UBE2E3: variants seen among roughly 807,000 people sequenced by gnomAD.
UBE2E3 encodes the protein ubiquitin conjugating enzyme E2 E3.
In UBE2E3, 5 loss-of-function variants were observed where a neutral mutation model predicts 23.6. The ratio of observed to expected loss-of-function variants is 0.21; its 90% CI spans 0.11 to 0.44. UBE2E3 has a LOEUF of 0.44. Among genes scored for constraint, UBE2E3 ranks in the 20% least tolerant of loss-of-function variants. UBE2E3 has a pLI of 0.99. For missense variants in UBE2E3, 81 were observed against 249.8 expected, an observed-to-expected ratio of 0.32 and a Z score of 4.55; for synonymous variants, 78 against 87.5, an observed-to-expected ratio of 0.89 and a Z score of 0.60.
At chr2:180,983,891 CTCT>C (rs1684376393) in intron 2 of UBE2E3, 149 bp from the exon 3 acceptor site, 1 of 530,202 alleles carries the variant, frequency 1.9e-6, no homozygotes, top group African/African-American at 1.9e-5. Context: ...TGGGTTATGC[CTCT>C]GAGAACAAAG....
rs187993220 is a variant in UBE2E3, at chr2:181,009,253, C to T, written c.245+25160C>T. 2.2e-3 allele frequency among the ~76,000 whole-genome samples: 335 copies of T among 152,118 alleles called. 2 individuals are homozygous for T. The highest frequency in any genetic ancestry group is 3.3e-3 in the South Asian group (16 of 4,814). On this transcript the variant is annotated intron_variant, in intron 3 of 5. Transcript: ENST00000410062. ...ATTTTTGATGCTAAGAGATTGGACA[C>T]ATTATAAAACAAATAACTGAAAATC...
chr2:181,031,808 A>T (rs953905609), intron 3 of UBE2E3, among the ~76,000 whole-genome samples: 2 of 152,210 alleles, frequency 1.3e-5, no homozygotes, highest in Admixed American at 1.3e-4. Flanking sequence ...AGAAGTCGTA[A>T]GTTAATAATC....
At chr2:181,016,121 A>C (rs190111778) in intron 3 of UBE2E3, among the ~76,000 whole-genome samples, 1 of 152,068 alleles carries the variant, frequency 6.6e-6, no homozygotes, top group Non-Finnish European at 1.5e-5. Flanking sequence ...CTAGTGAACA[A>C]TGTAGTGGGC....
chr2:180,995,171 C>T (rs1458730292), intron 3 of UBE2E3, among the ~76,000 whole-genome samples: 9 of 151,990 alleles, frequency 5.9e-5, no homozygotes, highest in South Asian at 2.1e-4. Flanking sequence ...TACTGTGTTT[C>T]GTGCAATACT....
chr2:181,044,856 A>G (rs922173516), intron 3 of UBE2E3, among the ~76,000 whole-genome samples: 1 of 152,044 alleles, frequency 6.6e-6, no homozygotes, highest in Non-Finnish European at 1.5e-5. Context: ...TTTATGGCAT[A>G]GTAGTTATAT....
chr2:181,023,416 A>G (rs1464350377), intron 3 of UBE2E3, among the ~76,000 whole-genome samples: 1 of 152,042 alleles, frequency 6.6e-6, no homozygotes, highest in African/African-American at 2.4e-5. Context: ...TGCCACAAAA[A>G]CTCCATTATC....
chr2:181,004,383 C>T (rs1251673635), intron 3 of UBE2E3, among the ~76,000 whole-genome samples: 1 of 151,922 alleles, frequency 6.6e-6, no homozygotes, highest in East Asian at 1.9e-4. Flanking sequence ...ACCTGTAATC[C>T]CAGCACTTTG....
rs1687026817 is a variant in UBE2E3 at position 181,057,723 on chromosome 2, A to G, written c.276A>G (p.Glu92=). The part of the protein sequence containing the change: ...SAGPKGDNIY[E]WRSTILGPPG... ...GGCCTAAAGGAGATAACATTTATGA[A>G]TGGAGATCAACTATACTTGGTCCAC... Residue 92 remains glutamate (E), a synonymous_variant, in exon 4 of 6, where the codon GAA becomes GAG. Transcript: ENST00000410062. The G allele has an allele frequency of 1.2e-6, 2 of 1,610,422 alleles. No homozygotes were observed. The highest frequency in any genetic ancestry group is 2.2e-5 in the East Asian group (1 of 44,714).
chr2:181,062,717 T>C lies in UBE2E3; in HGVS notation c.527-74T>C. The C allele has an allele frequency of 1.4e-5, 11 of 762,344 alleles. No homozygotes were observed. In the South Asian group the frequency reaches 2.9e-4, roughly 20 times the overall value. The allele number at this position is 762,344 out of a possible 1,614,324, so 47.2% of individuals were successfully genotyped here. On this transcript the variant is annotated intron_variant, in intron 5 of 5. Coordinates refer to ENST00000410062, the MANE Select transcript of UBE2E3 (RefSeq NM_006357.4). The stretch of plus-strand genomic sequence containing the variant: ...ACTGCTGAAAAATAAGCATTTCATT[T>C]TAATAGAATATTAGAACTATACCTT...
chr2:181,006,658 T>C (rs1358603786), intron 3 of UBE2E3, among the ~76,000 whole-genome samples: 1 of 150,128 alleles, frequency 6.7e-6, no homozygotes, highest in Non-Finnish European at 1.5e-5. Flanking sequence ...GAGATAATTA[T>C]AGATTCATAT....
chr2:181,048,429 A>G (rs13008461), intron 3 of UBE2E3, among the ~76,000 whole-genome samples: 2 of 152,126 alleles, frequency 1.3e-5, no homozygotes, highest in Non-Finnish European at 2.9e-5. Flanking sequence ...TTTTGATTCA[A>G]AGTAAATTCA....
intron 3 of UBE2E3, among the ~76,000 whole-genome samples, chr2:180,986,090 T>C (rs141641923): frequency 6.6e-6 from 1 of 152,272 alleles, no homozygotes; most frequent in East Asian, 1.9e-4. Flanking sequence ...ATCAGACTAG[T>C]GAAACATCAA....
intron 3 of UBE2E3, among the ~76,000 whole-genome samples, chr2:181,021,849 T>C (rs534708551): frequency 2.0e-5 from 3 of 152,120 alleles, no homozygotes; most frequent in Non-Finnish European, 4.4e-5. Context: ...GGAAAATACT[T>C]CTGGGTTTTG....
intron 3 of UBE2E3, among the ~76,000 whole-genome samples, chr2:181,003,996 T>G (rs1248561174): frequency 6.6e-6 from 1 of 152,202 alleles, no homozygotes; most frequent in Non-Finnish European, 1.5e-5. Context: ...CAGTTTTAGG[T>G]CTGTCTGACT....
At chr2:180,999,791 T>C (rs9967843) in intron 3 of UBE2E3, among the ~76,000 whole-genome samples, 2,740 of 152,318 alleles carry the variant, frequency 0.018, 69 homozygotes, top group African/African-American at 0.062. Flanking sequence ...GAGCAAGTTA[T>C]CTCCTCTGAT....
At chr2:180,986,545 G>A (rs1684476852) in intron 3 of UBE2E3, among the ~76,000 whole-genome samples, 2 of 152,062 alleles carry the variant, frequency 1.3e-5, no homozygotes, top group East Asian at 3.8e-4. Flanking sequence ...ATTGACAAGT[G>A]CGTAAATGAG....
chr2:181,051,160 T>C (rs1163005728), intron 3 of UBE2E3, among the ~76,000 whole-genome samples: 1 of 151,880 alleles, frequency 6.6e-6, no homozygotes, highest in Non-Finnish European at 1.5e-5. Flanking sequence ...GGGATCTTTT[T>C]TATGTTTTTA....
chr2:181,023,730 G>A (rs763036257), intron 3 of UBE2E3, among the ~76,000 whole-genome samples: 5 of 152,116 alleles, frequency 3.3e-5, no homozygotes, highest in Non-Finnish European at 5.9e-5. Flanking sequence ...CCAGATGTGT[G>A]GCTTTAGGTT....
At chr2:180,990,164 C>A in intron 3 of UBE2E3, 1 of 586,964 alleles carries the variant, frequency 1.7e-6, no homozygotes, top group Non-Finnish European at 2.9e-6. Flanking sequence ...TTTTGTCCTC[C>A]CCTTCCCCAG....
Sources: allele counts gnomAD v4.1 joint callset (sites outside exome capture counted in the v4.1 genomes callset), GRCh38; gene constraint gnomAD v4.1.1; transcripts MANE v1.5; gene names NCBI Gene and HGNC (gene_info 2026-07-23, HGNC 2026-07-21).